MTCL2: variants seen among roughly 807,000 people sequenced by gnomAD.
MTCL2 encodes the protein microtubule crosslinking factor 2.
the MTCL2 span, among the ~76,000 whole-genome samples, chr20:36,823,733 G>A: frequency 5.9e-5 from 9 of 152,240 alleles, no homozygotes; most frequent in South Asian, 8.3e-4. Context: ...TCTTGAGCCC[G>A]GAAGTTTGAG....
chr20:36,854,663 G>C, the MTCL2 span, among the ~76,000 whole-genome samples: 1 of 152,072 alleles, frequency 6.6e-6, no homozygotes, highest in Non-Finnish European at 1.5e-5. Flanking sequence ...CAACTGACTC[G>C]AGCCCAGAAG....
chr20:36,829,033 C>A, the MTCL2 span: 4 of 1,528,382 alleles, frequency 2.6e-6, no homozygotes, highest in Admixed American at 2.0e-5. Flanking sequence ...GCTGGCCCTG[C>A]TGGATGCATG....
the MTCL2 span, among the ~76,000 whole-genome samples, chr20:36,800,341 G>C: frequency 1.3e-5 from 2 of 152,184 alleles, no homozygotes; most frequent in Non-Finnish European, 2.9e-5. Context: ...CAGGAATTTG[G>C]TTTGATGGTG....
the MTCL2 span, among the ~76,000 whole-genome samples, chr20:36,853,705 GT>G: frequency 6.3e-4 from 7 of 11,072 alleles, no homozygotes; most frequent in South Asian, 2.8e-3. Context: ...AGGGAGGGGT[GT>G]GTGTGTGTGT....
At chr20:36,830,390 AC>A in the MTCL2 span, among the ~76,000 whole-genome samples, 1 of 151,600 alleles carries the variant, frequency 6.6e-6, no homozygotes, top group Non-Finnish European at 1.5e-5. Context: ...ACATAGCAAG[AC>A]CCCACCTCTA....
At chr20:36,804,740 A>G in the MTCL2 span, 1 of 1,613,286 alleles carries the variant, frequency 6.2e-7, no homozygotes, top group Non-Finnish European at 8.5e-7. Context: ...CTCACCTGGG[A>G]GGTATGGCCC....
At chr20:36,797,972 T>G in the MTCL2 span, among the ~76,000 whole-genome samples, 1 of 152,188 alleles carries the variant, frequency 6.6e-6, no homozygotes, top group Non-Finnish European at 1.5e-5. Flanking sequence ...CACTTTTTCC[T>G]GCTGGGCCTT....
At chr20:36,845,869 A>G in the MTCL2 span, among the ~76,000 whole-genome samples, 1 of 151,980 alleles carries the variant, frequency 6.6e-6, no homozygotes, top group Non-Finnish European at 1.5e-5. Context: ...GGGGGTGAGG[A>G]GCACAGGCTT....
chr20:36,832,687 A>G, the MTCL2 span, among the ~76,000 whole-genome samples: 1 of 152,192 alleles, frequency 6.6e-6, no homozygotes, highest in African/African-American at 2.4e-5. Flanking sequence ...TACTAAAAAT[A>G]CAAAAATTAG....
chr20:36,791,939 T>C, the MTCL2 span, among the ~76,000 whole-genome samples: 1 of 149,900 alleles, frequency 6.7e-6, no homozygotes, highest in Non-Finnish European at 1.5e-5. Flanking sequence ...ATGCACATTC[T>C]AACACATTCA....
the MTCL2 span, chr20:36,794,749 C>A: frequency 1.0e-6 from 1 of 965,850 alleles, no homozygotes. This position sits in a 1 kb window ranked among gnomAD's most constrained non-coding sequence, Gnocchi z 5.4. Context: ...GTGCCCAGTC[C>A]CACATTCTGT....
chr20:36,803,956 C>CAA, the MTCL2 span, among the ~76,000 whole-genome samples: 14,356 of 42,728 alleles, frequency 0.34, 2,575 homozygotes, highest in Non-Finnish European at 0.4. Context: ...GATGCCGTCT[C>CAA]AAAAAAAAAA....
the MTCL2 span, among the ~76,000 whole-genome samples, chr20:36,845,401 C>T: frequency 6.6e-6 from 1 of 152,280 alleles, no homozygotes; most frequent in African/African-American, 2.4e-5. Context: ...GCCTGCCCTT[C>T]ACCACAGTCA....
the MTCL2 span, chr20:36,862,657 C>T: frequency 1.3e-6 from 2 of 1,496,556 alleles, no homozygotes; most frequent in African/African-American, 1.4e-5. Context: ...GGCGCCCCCA[C>T]CTTGAGATAG....
At chr20:36,862,095 G>A in the MTCL2 span, among the ~76,000 whole-genome samples, 5 of 152,246 alleles carry the variant, frequency 3.3e-5, no homozygotes, top group Non-Finnish European at 7.3e-5. Flanking sequence ...CCGTTAGGCT[G>A]GGCGGAAGTG....
At chr20:36,846,217 A>AG in the MTCL2 span, among the ~76,000 whole-genome samples, 1 of 151,906 alleles carries the variant, frequency 6.6e-6, no homozygotes, top group Non-Finnish European at 1.5e-5. Flanking sequence ...AAAAAAAAAA[A>AG]AAAATCCCCT....
At chr20:36,779,709 C>A in the MTCL2 span, 2 of 152,318 alleles carry the variant, frequency 1.3e-5, no homozygotes, top group Admixed American at 6.5e-5. Flanking sequence ...TGGGAAACCA[C>A]AGACGCGGAC....
the MTCL2 span, among the ~76,000 whole-genome samples, chr20:36,812,288 G>A: frequency 6.6e-6 from 1 of 152,158 alleles, no homozygotes; most frequent in Non-Finnish European, 1.5e-5. Context: ...CATTTTACAT[G>A]TGAGAAAACT....
the MTCL2 span, chr20:36,810,108 C>CTG: frequency 6.3e-7 from 1 of 1,593,236 alleles, no homozygotes; most frequent in South Asian, 1.1e-5. Flanking sequence ...GCTCCTTGAT[C>CTG]TGTGGTACAG....
Sources: allele counts gnomAD v4.1 joint callset (sites outside exome capture counted in the v4.1 genomes callset), GRCh38; gene constraint gnomAD v4.1.1; non-coding constraint Gnocchi (gnomAD v3.1); transcripts MANE v1.5; gene names NCBI Gene and HGNC (gene_info 2026-07-23, HGNC 2026-07-21).